Variants in VEGFC observed in about 807,000 individuals in gnomAD.
VEGFC encodes FLT4 ligand DHM.
A neutral mutation model predicts 46.1 loss-of-function variants in VEGFC; 12 were observed. The observed-to-expected ratio is 0.26, with a 90% CI of 0.17 to 0.42. The LOEUF (loss-of-function observed/expected upper bound fraction) is 0.42. Ranked by LOEUF, VEGFC falls within the 10% of genes least tolerant of loss-of-function variation. The probability of loss-of-function intolerance (pLI) is 1.00; values close to 1 mark genes in which losing one functional copy is unlikely to be tolerated. For missense variants in VEGFC, 488 were observed against 529.4 expected (o/e 0.92, Z 0.77); for synonymous variants, 232 against 195.5 (o/e 1.19, Z -1.56).
intron 4 of VEGFC, among the ~76,000 whole-genome samples, chr4:176,702,189 T>G (rs1330678765): frequency 6.6e-6 from 1 of 152,258 alleles, no homozygotes; most frequent in East Asian, 1.9e-4. Flanking sequence ...AATAAAATCT[T>G]CTTAAATAAA....
At chr4:176,777,918 C>CAAAAAAAAAA (rs773634012) in intron 1 of VEGFC, among the ~76,000 whole-genome samples, 10 of 57,144 alleles carry the variant, frequency 1.7e-4, no homozygotes, top group African/African-American at 5.7e-4. Flanking sequence ...GACTTTGTCT[C>CAAAAAAAAAA]AAAAAAAAAA....
chr4:176,747,108 T>C (rs1005559521), intron 1 of VEGFC, among the ~76,000 whole-genome samples: 7 of 152,048 alleles, frequency 4.6e-5, no homozygotes, highest in African/African-American at 9.7e-5. Flanking sequence ...CATGGAAATA[T>C]ATCATGGGAT....
intron 3 of VEGFC, among the ~76,000 whole-genome samples, chr4:176,725,612 A>G (rs1734860987): frequency 6.6e-6 from 1 of 152,224 alleles, no homozygotes; most frequent in African/African-American, 2.4e-5. Context: ...TTGGTTTACT[A>G]TTTGATTTAA....
intron 3 of VEGFC, among the ~76,000 whole-genome samples, chr4:176,725,591 T>A (rs1219061482): frequency 6.6e-6 from 1 of 152,196 alleles, no homozygotes; most frequent in Non-Finnish European, 1.5e-5. Flanking sequence ...GGAAACAGTA[T>A]CCAAAGTACC....
At chr4:176,721,843 G>C (rs544071849) in intron 3 of VEGFC, among the ~76,000 whole-genome samples, 15 of 152,204 alleles carry the variant, frequency 9.9e-5, no homozygotes, top group African/African-American at 3.6e-4. Context: ...AATCAGGAAA[G>C]AAGCCTGAAT....
At chr4:176,691,848 C>G (rs535263815) in intron 4 of VEGFC, among the ~76,000 whole-genome samples, 4 of 152,276 alleles carry the variant, frequency 2.6e-5, no homozygotes, top group African/African-American at 9.6e-5. Flanking sequence ...GCCTGAGCAA[C>G]GCAGAAGACG....
intron 4 of VEGFC, among the ~76,000 whole-genome samples, chr4:176,701,717 G>A (rs1267002408): frequency 6.6e-6 from 1 of 152,154 alleles, no homozygotes; most frequent in Non-Finnish European, 1.5e-5. Flanking sequence ...GGGATGAACA[G>A]ACATATGACT....
intron 4 of VEGFC, among the ~76,000 whole-genome samples, chr4:176,707,252 G>T (rs529054777): frequency 6.6e-4 from 100 of 152,268 alleles, no homozygotes; most frequent in African/African-American, 2.2e-3. Context: ...CAACTGTTTT[G>T]AAAAATGATT....
chr4:176,785,510 G>T (rs1735988152), intron 1 of VEGFC, among the ~76,000 whole-genome samples: 1 of 152,158 alleles, frequency 6.6e-6, no homozygotes, highest in African/African-American at 2.4e-5. Context: ...AACAGCCAAA[G>T]TATTTATATT....
intron 1 of VEGFC, among the ~76,000 whole-genome samples, chr4:176,740,175 CTATATATA>C (rs1182819111): frequency 5.8e-4 from 68 of 117,574 alleles, no homozygotes; most frequent in African/African-American, 2.2e-3. Context: ...ATATATATAA[CTATATATA>C]ACTATATATT....
Position 176,792,123 on chromosome 4 carries a change from C to A in VEGFC, c.147+42G>T. ...TTCTCGGGTCCGCCGCAGACCCTAA[C>A]GCAAACTCTCGGGTTCTCCGCAAAC... On this transcript the variant is annotated intron_variant, in intron 1 of 6. Coordinates refer to ENST00000618562, the MANE Select transcript of VEGFC (RefSeq NM_005429.5). This position sits in a 1 kb window ranked among gnomAD's most constrained non-coding sequence, Gnocchi z 6.3. 7.0e-7 allele frequency: 1 copy of A among 1,429,218 alleles called. No homozygotes were observed. The highest frequency in any genetic ancestry group is 9.2e-7 in the Non-Finnish European group (1 of 1,088,690). 88.5% of individuals were successfully genotyped at this position (1,429,218 alleles called of 1,614,324 possible).
At chr4:176,687,111 T>C in intron 6 of VEGFC, 76 bp downstream of exon 6, 1 of 1,449,632 alleles carries the variant, frequency 6.9e-7, no homozygotes, top group East Asian at 2.3e-5. Context: ...ATTGTTACTT[T>C]GGTTAAGAAA....
At chr4:176,749,661 C>G (rs767167220) in intron 1 of VEGFC, among the ~76,000 whole-genome samples, 21 of 151,466 alleles carry the variant, frequency 1.4e-4, no homozygotes, top group Non-Finnish European at 3.0e-4. Flanking sequence ...ATAAAATTTT[C>G]AAGAACATAA....
chr4:176,782,605 C>T (rs1452333369), intron 1 of VEGFC, among the ~76,000 whole-genome samples: 5 of 151,896 alleles, frequency 3.3e-5, no homozygotes, highest in Non-Finnish European at 5.9e-5. Context: ...TAGCACTGAA[C>T]TATAAAGCTT....
At chr4:176,717,896 C>T (rs1449746092) in intron 3 of VEGFC, among the ~76,000 whole-genome samples, 1 of 152,010 alleles carries the variant, frequency 6.6e-6, no homozygotes, top group Admixed American at 6.5e-5. Flanking sequence ...CTATAAAAGG[C>T]CTGTGGAACT....
At chr4:176,778,669 T>C (rs1023677857) in intron 1 of VEGFC, among the ~76,000 whole-genome samples, 1 of 152,164 alleles carries the variant, frequency 6.6e-6, no homozygotes, top group African/African-American at 2.4e-5. Flanking sequence ...TTGTAAATAA[T>C]ATTTACCTCT....
At chr4:176,724,891 A>T (rs1365384531) in intron 3 of VEGFC, among the ~76,000 whole-genome samples, 1 of 152,142 alleles carries the variant, frequency 6.6e-6, no homozygotes. Flanking sequence ...AGAGAGAAGA[A>T]TACTGATTAT....
chr4:176,766,177 C>A (rs1264991833), intron 1 of VEGFC, among the ~76,000 whole-genome samples: 1 of 152,060 alleles, frequency 6.6e-6, no homozygotes, highest in African/African-American at 2.4e-5. Context: ...ATAGAAAGCC[C>A]ATTATTGCTA....
intron 2 of VEGFC, 67 bp from the exon 3 acceptor site, chr4:176,728,035 C>A: frequency 7.7e-7 from 1 of 1,290,730 alleles, no homozygotes; most frequent in East Asian, 2.4e-5. Flanking sequence ...CCCACAGCAG[C>A]TGCAAATCAC....
Sources: allele counts gnomAD v4.1 joint callset (sites outside exome capture counted in the v4.1 genomes callset), GRCh38; gene constraint gnomAD v4.1.1; non-coding constraint Gnocchi (gnomAD v3.1); transcripts MANE v1.5; gene names NCBI Gene and HGNC (gene_info 2026-07-23, HGNC 2026-07-21).